Variants in PCDHA3 observed in about 807,000 individuals in gnomAD.
PCDHA3 encodes the protein protocadherin alpha 3, also known as protocadherin alpha-3.
PCDHA3 carries 41 observed loss-of-function variants against 62.2 expected under a neutral mutation model. The observed-to-expected ratio is 0.66, with a 90% CI of 0.51 to 0.86. The LOEUF (loss-of-function observed/expected upper bound fraction) is 0.86. Among genes scored for constraint, PCDHA3 ranks in the 40% least tolerant of loss-of-function variants. The probability of loss-of-function intolerance (pLI) is 0.00; values close to 1 mark genes in which losing one functional copy is unlikely to be tolerated. For missense variants in PCDHA3, 1,304 were observed against 1,241.2 expected (o/e 1.05, Z -0.76); for synonymous variants, 640 against 555.4 (o/e 1.15, Z -2.14).
intron 1 of PCDHA3, among the ~76,000 whole-genome samples, chr5:140,891,046 C>T (rs576145840): frequency 6.6e-6 from 1 of 152,270 alleles, no homozygotes; most frequent in African/African-American, 2.4e-5. Context: ...GTGACCCCCA[C>T]AGCACATAGT....
intron 1 of PCDHA3, chr5:140,825,961 T>C (rs937523362): frequency 1.3e-5 from 2 of 152,362 alleles, no homozygotes; most frequent in African/African-American, 2.4e-5. Context: ...TTGTCTACTC[T>C]TTTGAGGGGA....
chr5:140,949,075 C>G (rs1459435331), intron 1 of PCDHA3, among the ~76,000 whole-genome samples: 1 of 151,470 alleles, frequency 6.6e-6, no homozygotes, highest in Non-Finnish European at 1.5e-5. Flanking sequence ...ACTCTTTCAC[C>G]CATTTATTAC....
At position 140,822,748 on chromosome 5, in the gene PCDHA3, A is replaced by G. The variant is rs2150119092; in HGVS notation, c.2394+19157A>G. The G allele has an allele frequency of 7.4e-6, 12 of 1,613,850 alleles. No individual in the cohort carries two copies. The Admixed American group carries it at 2.0e-4, about 27-fold the overall frequency. ...AATTAATATTGATGCCATGGATAAAAGTACATTCCCATTATCAGGACACTG... is the reference window on the plus strand; with the variant it reads ...AATTAATATTGATGCCATGGATAAAGGTACATTCCCATTATCAGGACACTG... On this transcript the variant is annotated intron_variant, in intron 1 of 3. Coordinates refer to ENST00000522353, the MANE Select transcript of PCDHA3 (RefSeq NM_018906.3).
At chr5:140,885,280 A>G (rs2060543465) in intron 1 of PCDHA3, among the ~76,000 whole-genome samples, 2 of 152,138 alleles carry the variant, frequency 1.3e-5, no homozygotes, top group Admixed American at 6.5e-5. Context: ...ATATATATAC[A>G]TATATAGAGA....
Position 140,887,400 on chromosome 5 carries a change from A to G in PCDHA3, c.2394+83809A>G, listed in dbSNP as rs563892577. Among the ~76,000 whole-genome samples, 411 of 152,184 alleles carry G rather than the reference A, an allele frequency of 2.7e-3. 1 individual carries two copies. The highest frequency in any genetic ancestry group is 4.5e-3 in the Non-Finnish European group (305 of 68,000). On this transcript the variant is annotated intron_variant, in intron 1 of 3. Transcript: ENST00000522353. ...TGTGAGCCACCGCGCCCGGCTCTTT[A>G]TCTCATTTTTATTTTTGAAAAAGTA...
chr5:140,842,755 T>G, intron 1 of PCDHA3: 2 of 1,594,888 alleles, frequency 1.3e-6, no homozygotes, highest in South Asian at 2.2e-5. Flanking sequence ...TCACGGTGTC[T>G]GCGCGAGACG....
At chr5:140,823,676 G>C in intron 1 of PCDHA3, 3 of 1,614,042 alleles carry the variant, frequency 1.9e-6, no homozygotes, top group Non-Finnish European at 2.5e-6. Flanking sequence ...AGCACAACAC[G>C]CTCTCTGGAT....
chr5:140,843,338 G>T (rs2150357785), intron 1 of PCDHA3: 1 of 1,596,002 alleles, frequency 6.3e-7, no homozygotes, highest in Non-Finnish European at 8.6e-7. Flanking sequence ...GGTGGAGAGC[G>T]GCCAGGCTCC....
chr5:140,861,377 G>T (rs2046888604), intron 1 of PCDHA3: 1 of 418,518 alleles, frequency 2.4e-6, no homozygotes, highest in South Asian at 2.0e-5. Context: ...TCCCTATTGC[G>T]CAGGACCTGG....
At chr5:140,862,216 T>C in intron 1 of PCDHA3, 1 of 205,622 alleles carries the variant, frequency 4.9e-6, no homozygotes, top group Non-Finnish European at 9.9e-6. Flanking sequence ...TGCACAGACT[T>C]GATAGAAGTC....
At chr5:141,002,550 G>A (rs1458455103) in intron 3 of PCDHA3, among the ~76,000 whole-genome samples, 1 of 152,186 alleles carries the variant, frequency 6.6e-6, no homozygotes, top group African/African-American at 2.4e-5. Context: ...TGAGTCCCAG[G>A]ATCCACCAGT....
intron 1 of PCDHA3, among the ~76,000 whole-genome samples, chr5:140,923,387 G>T (rs564592920): frequency 6.6e-6 from 1 of 152,254 alleles, no homozygotes; most frequent in Admixed American, 6.5e-5. Context: ...AATTAGTTGG[G>T]CATGGTGGTG....
intron 1 of PCDHA3, chr5:140,869,067 G>T (rs1220928735): frequency 6.4e-7 from 1 of 1,570,438 alleles, no homozygotes; most frequent in Non-Finnish European, 8.6e-7. Flanking sequence ...TACTGTAAGT[G>T]TAAAGAAGCT....
intron 1 of PCDHA3, chr5:140,805,182 A>G: frequency 1.3e-6 from 2 of 1,493,614 alleles, no homozygotes; most frequent in Non-Finnish European, 1.8e-6. Flanking sequence ...TGCTATGCCA[A>G]ATAAATATTG....
chr5:140,999,628 G>C (rs1169273057), intron 3 of PCDHA3, among the ~76,000 whole-genome samples: 2 of 152,182 alleles, frequency 1.3e-5, no homozygotes, highest in Admixed American at 1.3e-4. Context: ...AGGAAACAAG[G>C]TAGAGAAAAC....
At chr5:140,967,207 T>G (rs376266648) in intron 1 of PCDHA3, 16 of 1,613,648 alleles carry the variant, frequency 9.9e-6, no homozygotes, top group Non-Finnish European at 1.1e-5. Flanking sequence ...ACTCACCGCG[T>G]TTCCCGCGGC....
At chr5:140,876,483 G>T (rs373900620) in intron 1 of PCDHA3, 1 of 1,614,004 alleles carries the variant, frequency 6.2e-7, no homozygotes, top group Non-Finnish European at 8.5e-7. Flanking sequence ...GCATGGTCCT[G>T]GTGGAAGTTC....
rs199990641 is a variant in PCDHA3, at chr5:140,966,961, G to C, written c.2395-11988G>C. On this transcript the variant is annotated intron_variant, in intron 1 of 3. Coordinates refer to ENST00000522353, the MANE Select transcript of PCDHA3 (RefSeq NM_018906.3). ...TCGTGGGCAACGTGGCTCGCGCGCT[G>C]GGGCTTGAGCTGCGGCGCTTGGGGC... The C allele has an allele frequency of 8.7e-6, 14 of 1,603,190 alleles. No individual in the cohort carries two copies. The East Asian group carries it at 2.7e-4, about 31-fold the overall frequency.
intron 1 of PCDHA3, among the ~76,000 whole-genome samples, chr5:140,915,425 A>T (rs2077115235): frequency 6.6e-6 from 1 of 152,056 alleles, no homozygotes; most frequent in African/African-American, 2.4e-5. Flanking sequence ...GGGCTTGTTT[A>T]TCCCTGTCCT....
Sources: allele counts gnomAD v4.1 joint callset (sites outside exome capture counted in the v4.1 genomes callset), GRCh38; gene constraint gnomAD v4.1.1; transcripts MANE v1.5; gene names NCBI Gene and HGNC (gene_info 2026-07-23, HGNC 2026-07-21).